TNIK: variants seen among roughly 807,000 people sequenced by gnomAD.
TNIK encodes TRAF2 and NCK interacting kinase.
In TNIK, 49 loss-of-function variants were observed where a neutral mutation model predicts 191.3. The observed-to-expected ratio is 0.26, with a 90% CI of 0.20 to 0.32. The LOEUF is 0.32. Among genes scored for constraint, TNIK ranks in the 10% least tolerant of loss-of-function variants. The probability of loss-of-function intolerance (pLI) is 1.00; values close to 1 mark genes in which losing one functional copy is unlikely to be tolerated. For missense variants in TNIK, 1,155 were observed against 1,702.3 expected (o/e 0.68, Z 5.66); for synonymous variants, 594 against 600.9 (o/e 0.99, Z 0.17).
At chr3:171,404,219 G>A (rs770557413) in intron 1 of TNIK, among the ~76,000 whole-genome samples, 7 of 152,126 alleles carry the variant, frequency 4.6e-5, no homozygotes, top group South Asian at 2.1e-4. Context: ...TCCCCTGTGC[G>A]TTTTGAGGAG....
intron 1 of TNIK, among the ~76,000 whole-genome samples, chr3:171,374,551 C>T (rs1018451194): frequency 6.6e-6 from 1 of 152,206 alleles, no homozygotes; most frequent in Non-Finnish European, 1.5e-5. Flanking sequence ...AAATCATTGA[C>T]ATTTACCAAA....
chr3:171,094,032 T>C, intron 22 of TNIK, 64 bp from the exon 23 acceptor site: 1 of 1,554,068 alleles, frequency 6.4e-7, no homozygotes, highest in Non-Finnish European at 8.7e-7. Context: ...TTCCTGTCCA[T>C]ATTCATTATT....
intron 7 of TNIK, among the ~76,000 whole-genome samples, chr3:171,181,432 C>T (rs1357537427): frequency 1.3e-5 from 2 of 152,168 alleles, no homozygotes; most frequent in Admixed American, 6.5e-5. Flanking sequence ...TTGGCTAACC[C>T]AATGGTCATT....
chr3:171,355,366 G>C (rs1418917618), intron 2 of TNIK, among the ~76,000 whole-genome samples: 26 of 152,326 alleles, frequency 1.7e-4, no homozygotes, highest in African/African-American at 6.3e-4. Flanking sequence ...TGAAGTATTT[G>C]AAGTGTCTCT....
intron 2 of TNIK, among the ~76,000 whole-genome samples, chr3:171,335,524 C>T (rs1022995356): frequency 1.3e-5 from 2 of 152,226 alleles, no homozygotes; most frequent in African/African-American, 4.8e-5. Context: ...TCACAGTACA[C>T]AGCCTTTTGA....
intron 21 of TNIK, among the ~76,000 whole-genome samples, chr3:171,105,277 G>A (rs1054703646): frequency 5.3e-5 from 8 of 152,076 alleles, no homozygotes; most frequent in Non-Finnish European, 1.2e-4. Context: ...TGACATTTTG[G>A]GCCAGATAAT....
rs142660852 is a variant in TNIK, at chr3:171,218,252, C to G, written c.181-7011G>C. Among the ~76,000 whole-genome samples the G allele has an allele frequency of 7.3e-4, 111 of 152,198 alleles. 2 individuals carry two copies. Among genetic ancestry groups the G allele is most frequent in the African/African-American group, 2.6e-3 (108 of 41,528 alleles). The stretch of plus-strand genomic sequence containing the variant: ...GGGCTCTTCTTTGCCAGTAGGCTAA[C>G]CTGCTTTCTCTTACAATGAAGTGGA... On this transcript the variant is annotated intron_variant, in intron 3 of 32. Transcript: ENST00000436636.
intron 1 of TNIK, among the ~76,000 whole-genome samples, chr3:171,383,499 A>G (rs1448057694): frequency 6.6e-6 from 1 of 152,178 alleles, no homozygotes; most frequent in Non-Finnish European, 1.5e-5. Context: ...TTATTCACAC[A>G]AAGAAAAACT....
In TNIK at chr3:171,157,395, G is replaced by A. The variant is rs111696163; in HGVS notation, c.1221+65C>T. On this transcript the variant is annotated intron_variant, in intron 12 of 32. Coordinates refer to ENST00000436636, the MANE Select transcript of TNIK (RefSeq NM_015028.4). ...CACAGGTGGGATGTGGGCCCCCAGGGAATGCTTGGAGAGTGACCACAACTG... is the reference window on the plus strand; with the variant it reads ...CACAGGTGGGATGTGGGCCCCCAGGAAATGCTTGGAGAGTGACCACAACTG... 1,023 of 1,524,678 alleles carry A rather than the reference G, an allele frequency of 6.7e-4. 3 individuals are homozygous for A. In the African/African-American group the frequency reaches 9.5e-3, roughly 14 times the overall value. 94.4% of individuals were successfully genotyped at this position (1,524,678 alleles called of 1,614,324 possible).
chr3:171,323,079 T>C (rs2108339432), intron 2 of TNIK, among the ~76,000 whole-genome samples: 1 of 151,804 alleles, frequency 6.6e-6, no homozygotes, highest in East Asian at 1.9e-4. Flanking sequence ...CCTTTGTGTA[T>C]TGTCTGTGGC....
intron 1 of TNIK, among the ~76,000 whole-genome samples, chr3:171,389,672 T>C (rs78172776): frequency 0.056 from 8,587 of 152,238 alleles, 304 homozygotes; most frequent in Non-Finnish European, 0.079. Flanking sequence ...GAGATTCTTT[T>C]AGGAAGATAA....
intron 2 of TNIK, among the ~76,000 whole-genome samples, chr3:171,274,996 A>C (rs1749554402): frequency 6.6e-6 from 1 of 152,168 alleles, no homozygotes; most frequent in Non-Finnish European, 1.5e-5. Context: ...ATCTGAAATC[A>C]TGTATGTGAG....
intron 1 of TNIK, among the ~76,000 whole-genome samples, chr3:171,421,195 C>G (rs1723748167): frequency 1.3e-5 from 2 of 152,168 alleles, no homozygotes; most frequent in African/African-American, 4.8e-5. Flanking sequence ...TTTGATAGTT[C>G]TAGTTCTCAC....
chr3:171,243,096 G>T (rs1395689426), intron 2 of TNIK, among the ~76,000 whole-genome samples: 1 of 152,150 alleles, frequency 6.6e-6, no homozygotes, highest in Admixed American at 6.5e-5. Flanking sequence ...ATGAAGAAGA[G>T]AAATAGAAAT....
intron 3 of TNIK, among the ~76,000 whole-genome samples, chr3:171,219,228 TATTATA>T (rs1013920144): frequency 8.8e-4 from 122 of 139,076 alleles, no homozygotes; most frequent in Non-Finnish European, 1.6e-3. Context: ...TTATATATAT[TATTATA>T]ATTATATGTA....
chr3:171,443,823 CAAAAAATAAAA>C (rs1727144785), intron 1 of TNIK, among the ~76,000 whole-genome samples: 1 of 151,970 alleles, frequency 6.6e-6, no homozygotes, highest in African/African-American at 2.4e-5. Flanking sequence ...GACCCTGCCT[CAAAAAATAAAA>C]TAAAAATAAA....
intron 9 of TNIK, 24 bp downstream of exon 9, chr3:171,175,228 C>G: frequency 1.9e-6 from 3 of 1,605,730 alleles, no homozygotes; most frequent in Non-Finnish European, 2.6e-6. Flanking sequence ...CTTAGATCTG[C>G]GAAACATCGA....
intron 2 of TNIK, among the ~76,000 whole-genome samples, chr3:171,341,238 C>T (rs1757474913): frequency 6.6e-6 from 1 of 151,902 alleles, no homozygotes; most frequent in African/African-American, 2.4e-5. Flanking sequence ...TTTGGGAGGC[C>T]GAGGCAGGTG....
chr3:171,288,164 G>A (rs900338838), intron 2 of TNIK, among the ~76,000 whole-genome samples: 1 of 119,310 alleles, frequency 8.4e-6, no homozygotes, highest in African/African-American at 3.3e-5. Flanking sequence ...TCTGGGGACT[G>A]TGGTGGGGAG....
Sources: gnomAD v4.1 joint callset for allele counts (sites outside exome capture counted in the v4.1 genomes callset) on GRCh38, gnomAD v4.1.1 for gene constraint, MANE v1.5 for transcripts, NCBI Gene and HGNC (gene_info 2026-07-23, HGNC 2026-07-21) for gene names.